Variants in PCDHGA7 observed in about 807,000 individuals in gnomAD.
PCDHGA7 encodes protocadherin gamma subfamily A, 7, also known as protocadherin gamma-A7.
Under a neutral mutation model 58.3 loss-of-function variants are expected in PCDHGA7, and 44 were observed. That is an observed-to-expected ratio of 0.75 (90% CI 0.59 to 0.97). The LOEUF (loss-of-function observed/expected upper bound fraction) is 0.97, where lower values mean the gene tolerates loss of function less well. PCDHGA7 is among the 50% of genes least tolerant of loss of function. The pLI, the probability that PCDHGA7 is intolerant of heterozygous loss-of-function variation, is 0.00. For synonymous variants in PCDHGA7, 516 were observed against 504.2 expected (o/e 1.02, Z -0.31); for missense variants, 1,266 against 1,188.7 (o/e 1.06, Z -0.96).
Position 141,462,070 on chromosome 5 carries a change from G to A in PCDHGA7, c.2425-32737G>A, listed in dbSNP as rs572217894. Among the ~76,000 whole-genome samples the A allele has an allele frequency of 2.6e-5, 4 of 152,196 alleles. No homozygotes were observed. In the East Asian group the frequency reaches 7.7e-4, roughly 29 times the overall value. Reference sequence around the variant, plus strand: ...ACTCCCGACCTCAGGTGATCTGCCCGCCTTGGCCTCCCAAAATGCTGGGAT... The same window carrying A: ...ACTCCCGACCTCAGGTGATCTGCCCACCTTGGCCTCCCAAAATGCTGGGAT... On this transcript the variant is annotated intron_variant, in intron 1 of 3. Transcript: ENST00000518325.
Position 141,476,279 on chromosome 5 carries a change from G to T in PCDHGA7, c.2425-18528G>T. The T allele has an allele frequency of 6.2e-7, 1 of 1,614,148 alleles. No individual in the cohort carries two copies. Among genetic ancestry groups the T allele is most frequent in the Non-Finnish European group, 8.5e-7 (1 of 1,180,024 alleles). On this transcript the variant is annotated intron_variant, in intron 1 of 3. Coordinates refer to ENST00000518325, the MANE Select transcript of PCDHGA7 (RefSeq NM_018920.4). This position sits in a 1 kb window ranked among gnomAD's most constrained non-coding sequence, Gnocchi z 7.6. ...TGTGGGCAACGTGGTCGCGAACCTT[G>T]GTTTGGATCTCGGTAGCCTCTCAGC...
At chr5:141,414,231 C>T (rs2095722548) in intron 1 of PCDHGA7, 1 of 1,613,304 alleles carries the variant, frequency 6.2e-7, no homozygotes, top group South Asian at 1.1e-5. Flanking sequence ...CAGAGCTGAC[C>T]ATCACGTCTC....
intron 1 of PCDHGA7, among the ~76,000 whole-genome samples, chr5:141,401,408 A>G (rs943963302): frequency 6.6e-6 from 1 of 152,200 alleles, no homozygotes; most frequent in Non-Finnish European, 1.5e-5. Flanking sequence ...TATGAGAGAG[A>G]AAGAGAGAGA....
Position 141,431,278 on chromosome 5 carries a change from C to A in PCDHGA7, c.2424+45955C>A, listed in dbSNP as rs755533628. On this transcript the variant is annotated intron_variant, in intron 1 of 3. Transcript: ENST00000518325. The surrounding 1 kb of genome is among the most constrained non-coding windows in gnomAD (Gnocchi z 4.8). ...ACTCTCTGCAGAGCTACGAGCTCAG[C>A]CCGAACACTCACTTCTCCCTCATCG... 6.2e-7 allele frequency: 1 copy of A among 1,614,170 alleles called. No individual in the cohort carries two copies. The highest frequency in any genetic ancestry group is 8.5e-7 in the Non-Finnish European group (1 of 1,180,038).
chr5:141,409,666 C>T, intron 1 of PCDHGA7: 3 of 1,613,554 alleles, frequency 1.9e-6, no homozygotes, highest in Non-Finnish European at 2.5e-6. Flanking sequence ...GCCACATCTC[C>T]TACTCTATAG....
At chr5:141,418,295 G>A (rs751665486) in intron 1 of PCDHGA7, 1 of 1,613,996 alleles carries the variant, frequency 6.2e-7, no homozygotes, top group Admixed American at 1.7e-5. Context: ...CAGTGAATCC[G>A]TCAGCCTGGG....
chr5:141,399,753 G>T (rs1418820057), intron 1 of PCDHGA7: 8 of 1,613,370 alleles, frequency 5.0e-6, no homozygotes, highest in Non-Finnish European at 6.8e-6. Context: ...GCGCAAACGT[G>T]AGCCTGCGCG....
At chr5:141,422,500 G>A (rs762511271) in intron 1 of PCDHGA7, 1 of 1,614,008 alleles carries the variant, frequency 6.2e-7, no homozygotes, top group Non-Finnish European at 8.5e-7. Flanking sequence ...AACGTTGACA[G>A]CCACAGACCA....
At chr5:141,503,332 C>T (rs536647792) in intron 2 of PCDHGA7, among the ~76,000 whole-genome samples, 5 of 152,074 alleles carry the variant, frequency 3.3e-5, no homozygotes, top group Admixed American at 6.5e-5. Context: ...CGCGGTGGCT[C>T]ACGCCTGTAA....
rs192747939 is a variant in PCDHGA7 at position 141,487,483 on chromosome 5, T to A, written c.2425-7324T>A. ...TTGTTGATGTGGGAGGCCACTCTCA[T>A]GGCTGTACACCCTTGGCTTCTGCAC... On this transcript the variant is annotated intron_variant, in intron 1 of 3. Transcript: ENST00000518325. This position sits in a 1 kb window ranked among gnomAD's most constrained non-coding sequence, Gnocchi z 5.0. 1 of 1,614,224 alleles carries A rather than the reference T, an allele frequency of 6.2e-7. No individual in the cohort carries two copies. The highest frequency in any genetic ancestry group is 1.1e-5 in the South Asian group (1 of 91,084).
At chr5:141,393,094 A>T in intron 1 of PCDHGA7, 4 of 1,613,606 alleles carry the variant, frequency 2.5e-6, no homozygotes, top group Non-Finnish European at 3.4e-6. Flanking sequence ...GATCGGGAGG[A>T]GCTCTGCGCT....
At chr5:141,460,546 C>A (rs182506898) in intron 1 of PCDHGA7, among the ~76,000 whole-genome samples, 51 of 152,152 alleles carry the variant, frequency 3.4e-4, no homozygotes, top group African/African-American at 1.1e-3. Context: ...GCACCTTAAT[C>A]AAAAATCATT....
rs545524357 is a variant in PCDHGA7, at chr5:141,467,902, G to A, written c.2425-26905G>A. ...TCAAACTCCTGAGCTCAAGAAATCC[G>A]CCCACCTCAGCCTCCCAAAATGCTA... On this transcript the variant is annotated intron_variant, in intron 1 of 3. Coordinates refer to ENST00000518325, the MANE Select transcript of PCDHGA7 (RefSeq NM_018920.4). 1.1e-4 allele frequency among the ~76,000 whole-genome samples: 16 copies of A among 151,862 alleles called. No homozygotes were observed. The East Asian group carries it at 2.3e-3, about 22-fold the overall frequency.
chr5:141,385,588 A>G (rs1290476871), intron 1 of PCDHGA7: 11 of 1,258,860 alleles, frequency 8.7e-6, no homozygotes, highest in East Asian at 3.3e-5. Context: ...CTATGTTCCA[A>G]CCTACTTTCT....
intron 1 of PCDHGA7, chr5:141,394,748 C>A: frequency 6.2e-7 from 1 of 1,613,414 alleles, no homozygotes. Flanking sequence ...TCGTGGTGGC[C>A]GTCCAGGACC....
intron 1 of PCDHGA7, among the ~76,000 whole-genome samples, chr5:141,444,473 G>A (rs943971075): frequency 2.6e-5 from 4 of 151,972 alleles, no homozygotes; most frequent in Admixed American, 6.6e-5. Flanking sequence ...GCCCGGTCGC[G>A]TACTGGATTT....
Position 141,485,274 on chromosome 5 carries a change from C to G in PCDHGA7, c.2425-9533C>G. 2 of 1,614,106 alleles carry G rather than the reference C, an allele frequency of 1.2e-6. No homozygotes were observed. Among genetic ancestry groups the G allele is most frequent in the Non-Finnish European group, 1.7e-6 (2 of 1,179,964 alleles). On this transcript the variant is annotated intron_variant, in intron 1 of 3. Transcript: ENST00000518325. The surrounding 1 kb of genome is among the most constrained non-coding windows in gnomAD (Gnocchi z 5.7). ...TACGTTTGTGGGCAGATCCGCTACC[C>G]GGTCCCAGAGGAGTCACAGGAAGGG...
chr5:141,481,362 A>G (rs2099536613), intron 1 of PCDHGA7, among the ~76,000 whole-genome samples: 1 of 152,252 alleles, frequency 6.6e-6, no homozygotes, highest in African/African-American at 2.4e-5. Context: ...CAGCTGTTCA[A>G]TAGATATTGG....
rs1177814811 is a variant in PCDHGA7 at position 141,511,841 on chromosome 5, CTGTTT to C, written c.*675_*679del. The C allele has an allele frequency of 3.2e-5, 5 of 156,826 alleles. No homozygotes were observed. Among genetic ancestry groups the C allele is most frequent in the African/African-American group, 4.8e-5 (2 of 41,458 alleles). The allele number at this position is 156,826 out of a possible 1,614,324, so 9.7% of individuals were successfully genotyped here. ...TCCCAACGCCCTGGGGACCAGTCTT[CTGTTT>C]TGTTTTTCATTGTTTGACGTTTCCA... On this transcript the variant is annotated 3_prime_UTR_variant, in exon 4 of 4. Coordinates refer to ENST00000518325, the MANE Select transcript of PCDHGA7 (RefSeq NM_018920.4).
Sources: allele counts gnomAD v4.1 joint callset (sites outside exome capture counted in the v4.1 genomes callset), GRCh38; gene constraint gnomAD v4.1.1; non-coding constraint Gnocchi (gnomAD v3.1); transcripts MANE v1.5; gene names NCBI Gene and HGNC (gene_info 2026-07-23, HGNC 2026-07-21).